The following CDH8 variants were observed in gnomAD, a reference collection of about 807,000 sequenced individuals.
CDH8 encodes the protein cadherin 8.
CDH8 carries 17 observed loss-of-function variants against 68.1 expected under a neutral mutation model. The ratio of observed to expected loss-of-function variants is 0.25; its 90% CI spans 0.17 to 0.37. The LOEUF is 0.37. CDH8 is among the 10% of genes least tolerant of loss of function. The pLI, the probability that CDH8 is intolerant of heterozygous loss-of-function variation, is 1.00. For missense variants in CDH8, 763 were observed against 999.3 expected, an observed-to-expected ratio of 0.76 and a Z score of 3.19; for synonymous variants, 372 against 365.1, an observed-to-expected ratio of 1.02 and a Z score of -0.21.
intron 10 of CDH8, among the ~76,000 whole-genome samples, chr16:61,696,054 T>C (rs1964319597): frequency 6.6e-6 from 1 of 152,198 alleles, no homozygotes; most frequent in Non-Finnish European, 1.5e-5. Context: ...CAATGACATA[T>C]TGCAATGTAA....
intron 8 of CDH8, among the ~76,000 whole-genome samples, chr16:61,788,988 C>T (rs976071812): frequency 6.6e-6 from 1 of 152,010 alleles, no homozygotes; most frequent in African/African-American, 2.4e-5. Context: ...ATGTACCATA[C>T]TATATGTATA....
rs1189284137 is a variant in CDH8, at chr16:61,924,123, GGTT to G, written c.253-22653_253-22651del. On this transcript the variant is annotated intron_variant, in intron 2 of 11. Transcript: ENST00000577390. ...AGATCAAAAAGTTATTCCTTTCTGT[GGTT>G]GTTGTTGTGTTGTTGTCGTTTTAAT... 4.6e-5 allele frequency among the ~76,000 whole-genome samples: 7 copies of G among 151,964 alleles called. No homozygotes were observed. The Middle Eastern group carries it at 0.017, about 369-fold the overall frequency.
At position 61,709,021 on chromosome 16, in the gene CDH8, T is replaced by C. The variant is rs191292026; in HGVS notation, c.1654+4820A>G. Among the ~76,000 whole-genome samples the C allele has an allele frequency of 2.6e-5, 4 of 152,258 alleles. No homozygotes were observed. In the East Asian group the frequency reaches 7.8e-4, roughly 30 times the overall value. On this transcript the variant is annotated intron_variant, in intron 10 of 11. Transcript: ENST00000577390. ...AAATATATTAAGATATTAACTATCATACTCATGCAAGTACACAGTTTCTGC... is the reference window on the plus strand; with the variant it reads ...AAATATATTAAGATATTAACTATCACACTCATGCAAGTACACAGTTTCTGC...
At position 62,024,526 on chromosome 16, in the gene CDH8, A is replaced by G. The variant is rs535352237; in HGVS notation, c.-199-2924T>C. Among the ~76,000 whole-genome samples the G allele has an allele frequency of 5.3e-5, 8 of 152,248 alleles. No homozygotes were observed. The South Asian group carries it at 1.7e-3, about 32-fold the overall frequency. On this transcript the variant is annotated intron_variant, in intron 1 of 11. Coordinates refer to ENST00000577390, the MANE Select transcript of CDH8 (RefSeq NM_001796.5). ...AGCAGCAATGAGGATGGACTGTGGT[A>G]TGTTGGATGGACTGCAGCATTGATT...
chr16:61,918,598 C>G (rs1218429296), intron 2 of CDH8: 1 of 153,308 alleles, frequency 6.5e-6, no homozygotes, highest in Non-Finnish European at 1.5e-5. Flanking sequence ...GAATACTGCG[C>G]TTTTCCAACG....
chr16:61,854,129 TACACAC>T (rs3069985), intron 4 of CDH8, among the ~76,000 whole-genome samples: 10,924 of 145,678 alleles, frequency 0.075, 436 homozygotes, highest in South Asian at 0.1. Flanking sequence ...CATATACACA[TACACAC>T]ACACACACAC....
At chr16:61,750,943 A>G (rs1249929596) in intron 8 of CDH8, among the ~76,000 whole-genome samples, 1 of 152,118 alleles carries the variant, frequency 6.6e-6, no homozygotes, top group Non-Finnish European at 1.5e-5. Flanking sequence ...TCAACACTAA[A>G]AAGAATTAAT....
intron 3 of CDH8, among the ~76,000 whole-genome samples, chr16:61,877,498 G>T (rs1014499608): frequency 6.6e-6 from 1 of 152,074 alleles, no homozygotes; most frequent in Admixed American, 6.6e-5. Context: ...TGTATATATG[G>T]AGAGAAGCCT....
intron 7 of CDH8, among the ~76,000 whole-genome samples, chr16:61,796,439 G>T (rs370447103): frequency 1.3e-5 from 2 of 152,006 alleles, no homozygotes; most frequent in East Asian, 3.9e-4. Context: ...ACAGTAAGAA[G>T]AAACTTCTCA....
chr16:61,658,488 G>A (rs533312421), intron 10 of CDH8, among the ~76,000 whole-genome samples: 1 of 151,900 alleles, frequency 6.6e-6, no homozygotes, highest in Non-Finnish European at 1.5e-5. Flanking sequence ...TGTTAATTAT[G>A]GAGTAACTTA....
At chr16:61,799,898 A>T (rs1348064175) in intron 7 of CDH8, among the ~76,000 whole-genome samples, 2 of 152,096 alleles carry the variant, frequency 1.3e-5, no homozygotes, top group Non-Finnish European at 1.5e-5. Context: ...ATGGTCTATT[A>T]ACTCTTTTCC....
intron 7 of CDH8, among the ~76,000 whole-genome samples, chr16:61,809,725 C>T (rs2142998782): frequency 6.6e-6 from 1 of 152,318 alleles, no homozygotes; most frequent in Admixed American, 6.5e-5. Flanking sequence ...GGACAGGAAC[C>T]TGACTGCCCT....
chr16:61,732,102 C>G (rs1317434120), intron 8 of CDH8, among the ~76,000 whole-genome samples: 1 of 151,198 alleles, frequency 6.6e-6, no homozygotes, highest in African/African-American at 2.4e-5. Flanking sequence ...GAAAAATGAG[C>G]AGAGCCTCAG....
intron 7 of CDH8, among the ~76,000 whole-genome samples, chr16:61,809,198 A>C (rs1405301243): frequency 6.6e-6 from 1 of 152,048 alleles, no homozygotes; most frequent in Admixed American, 6.5e-5. Context: ...AAAAAAAAAA[A>C]GACTTTACTA....
rs192683155 is a variant in CDH8, at chr16:61,992,745, A to C, written c.252+28407T>G. Among the ~76,000 whole-genome samples the C allele has an allele frequency of 5.8e-4, 88 of 152,298 alleles. 1 individual carries two copies. Among genetic ancestry groups the C allele is most frequent in the Admixed American group, 4.1e-3 (62 of 15,290 alleles). On this transcript the variant is annotated intron_variant, in intron 2 of 11. Transcript: ENST00000577390. ...ACCAGAAAATAAATTCCTTGCCTTCAGATAGCTTACCTCCTGGTGTCGAAC... is the reference window on the plus strand; with the variant it reads ...ACCAGAAAATAAATTCCTTGCCTTCCGATAGCTTACCTCCTGGTGTCGAAC...
intron 2 of CDH8, among the ~76,000 whole-genome samples, chr16:61,920,014 A>G (rs1302718638): frequency 6.6e-6 from 1 of 151,662 alleles, no homozygotes; most frequent in Non-Finnish European, 1.5e-5. Flanking sequence ...AGGATTCCCT[A>G]TTTAATAAAT....
intron 2 of CDH8, among the ~76,000 whole-genome samples, chr16:61,966,675 C>T (rs1198306609): frequency 6.6e-6 from 1 of 152,180 alleles, no homozygotes; most frequent in Non-Finnish European, 1.5e-5. Context: ...CTTAAGAATA[C>T]ATTGCTTCAA....
intron 8 of CDH8, among the ~76,000 whole-genome samples, chr16:61,754,899 A>C (rs2142955518): frequency 6.6e-6 from 1 of 152,266 alleles, no homozygotes; most frequent in South Asian, 2.1e-4. Flanking sequence ...CCCAACAGTT[A>C]GTTTTTCAGC....
chr16:61,977,507 A>G (rs1288826310), intron 2 of CDH8, among the ~76,000 whole-genome samples: 1 of 152,168 alleles, frequency 6.6e-6, no homozygotes, highest in Non-Finnish European at 1.5e-5. Flanking sequence ...TCTTATCTAT[A>G]AAAGTGTGAG....
Sources: gnomAD v4.1 joint callset for allele counts (sites outside exome capture counted in the v4.1 genomes callset) on GRCh38, gnomAD v4.1.1 for gene constraint, MANE v1.5 for transcripts, NCBI Gene and HGNC (gene_info 2026-07-23, HGNC 2026-07-21) for gene names.